SLC25A48: variants seen among roughly 807,000 people sequenced by gnomAD.
SLC25A48 encodes the protein CTC-321K16.1.
In SLC25A48, 29 loss-of-function variants were observed where a neutral mutation model predicts 32.2. The observed-to-expected ratio is 0.90, with a 90% CI of 0.67 to 1.23. SLC25A48 has a LOEUF of 1.23. Among genes scored for constraint, SLC25A48 ranks in the 50% most tolerant of loss-of-function variants. The pLI, the probability that SLC25A48 is intolerant of heterozygous loss-of-function variation, is 0.00. For missense variants in SLC25A48, 399 were observed against 422.7 expected, an observed-to-expected ratio of 0.94 and a Z score of 0.49; for synonymous variants, 164 against 172.3, an observed-to-expected ratio of 0.95 and a Z score of 0.38.
intron 3 of SLC25A48, among the ~76,000 whole-genome samples, chr5:135,791,737 T>C (rs1033985811): frequency 2.6e-5 from 4 of 151,396 alleles, no homozygotes; most frequent in African/African-American, 9.7e-5. Context: ...CATCCTAGGG[T>C]GATGTTACTT....
chr5:135,882,603 G>A (rs542481331), intron 7 of SLC25A48, among the ~76,000 whole-genome samples: 35 of 152,248 alleles, frequency 2.3e-4, no homozygotes, highest in African/African-American at 8.2e-4. Flanking sequence ...CAACAACCAG[G>A]CATGGAGATA....
intron 3 of SLC25A48, among the ~76,000 whole-genome samples, chr5:135,712,429 C>G (rs545377196): frequency 7.2e-5 from 11 of 152,230 alleles, no homozygotes; most frequent in African/African-American, 2.2e-4. Flanking sequence ...TTCCTTGGGC[C>G]CTTTCTGCAG....
chr5:135,652,218 C>T, intron 3 of SLC25A48: 1 of 382,308 alleles, frequency 2.6e-6, no homozygotes, highest in African/African-American at 2.1e-5. Flanking sequence ...ACACTGAGCC[C>T]CTGATATGAC....
intron 3 of SLC25A48, among the ~76,000 whole-genome samples, chr5:135,730,381 C>T (rs573520186): frequency 5.9e-5 from 9 of 152,248 alleles, no homozygotes; most frequent in Admixed American, 1.3e-4. Context: ...GAGGCATTCC[C>T]CTGCACAAGC....
chr5:135,703,664 G>A (rs528238502), intron 3 of SLC25A48, among the ~76,000 whole-genome samples: 1 of 152,158 alleles, frequency 6.6e-6, no homozygotes, highest in South Asian at 2.1e-4. Flanking sequence ...TTCTCCCCAG[G>A]AAACCTGTGA....
intron 3 of SLC25A48, chr5:135,650,581 CT>C: frequency 4.8e-6 from 1 of 208,178 alleles, no homozygotes; most frequent in South Asian, 5.8e-5. Context: ...AACAACAGAA[CT>C]CTTTCTTTCA....
chr5:135,621,429 C>T (rs1752322614), intron 1 of SLC25A48, among the ~76,000 whole-genome samples: 1 of 152,006 alleles, frequency 6.6e-6, no homozygotes. Flanking sequence ...TAGTAATTAA[C>T]AAATTGGTAA....
chr5:135,682,828 A>T (rs1471768990), intron 3 of SLC25A48, among the ~76,000 whole-genome samples: 1 of 152,246 alleles, frequency 6.6e-6, no homozygotes, highest in Non-Finnish European at 1.5e-5. Context: ...ATGATACCTT[A>T]TACTGGCACA....
rs114632268 is a variant in SLC25A48, at chr5:135,751,051, T to A, written c.-520-61472T>A. Among the ~76,000 whole-genome samples the A allele has an allele frequency of 2.3e-3, 346 of 152,268 alleles. 2 individuals carry two copies. The highest frequency in any genetic ancestry group is 4.1e-3 in the Non-Finnish European group (277 of 68,022). ...ACATGAGAAGAATCCAGCCAATAGCTGCAGATCCAGCCATCCAGATCCACA... is the reference window on the plus strand; with the variant it reads ...ACATGAGAAGAATCCAGCCAATAGCAGCAGATCCAGCCATCCAGATCCACA... On this transcript the variant is annotated intron_variant, in intron 3 of 10. Transcript: ENST00000646290.
chr5:135,810,194 C>T (rs1202743069), intron 3 of SLC25A48, among the ~76,000 whole-genome samples: 1 of 152,194 alleles, frequency 6.6e-6, no homozygotes, highest in Non-Finnish European at 1.5e-5. Flanking sequence ...GAACAACTCA[C>T]TTTGACCAAA....
chr5:135,745,622 C>G (rs1755620375), intron 3 of SLC25A48, among the ~76,000 whole-genome samples: 1 of 152,166 alleles, frequency 6.6e-6, no homozygotes, highest in Non-Finnish European at 1.5e-5. Context: ...TGAGCAGGCT[C>G]CTAAGGTCCT....
At chr5:135,581,881 G>T (rs528779064) in intron 1 of SLC25A48, among the ~76,000 whole-genome samples, 2 of 151,148 alleles carry the variant, frequency 1.3e-5, no homozygotes, top group Admixed American at 6.6e-5. Context: ...GTGAGGGAGG[G>T]GGCTTGGCCC....
At chr5:135,628,230 C>T (rs1752481691) in intron 1 of SLC25A48, among the ~76,000 whole-genome samples, 1 of 152,266 alleles carries the variant, frequency 6.6e-6, no homozygotes, top group Non-Finnish European at 1.5e-5. Flanking sequence ...TGAATAACTG[C>T]AAATTTCCCA....
intron 7 of SLC25A48, among the ~76,000 whole-genome samples, chr5:135,885,694 A>G (rs1762689223): frequency 6.6e-6 from 1 of 152,224 alleles, no homozygotes; most frequent in African/African-American, 2.4e-5. Flanking sequence ...AACAGGGTTT[A>G]GAATAAAGGA....
intron 3 of SLC25A48, among the ~76,000 whole-genome samples, chr5:135,655,589 C>T (rs1273599735): frequency 6.6e-6 from 1 of 152,232 alleles, no homozygotes; most frequent in East Asian, 1.9e-4. Flanking sequence ...GTACGCTCTA[C>T]ATCAGCCCTG....
In SLC25A48 at chr5:135,871,768, G is replaced by A. The variant is rs574352364; in HGVS notation, c.679+50G>A. ...GCACCCCTGTGCAGGCCACAGCAGT[G>A]GGACAGCTGGGGAACTGCCATGCCC... On this transcript the variant is annotated intron_variant, in intron 5 of 7. Transcript: ENST00000681962. The A allele has an allele frequency of 2.3e-5, 37 of 1,599,324 alleles. No homozygotes were observed. In the Admixed American group the frequency reaches 3.7e-4, roughly 16 times the overall value.
chr5:135,592,491 A>C (rs1160740774), intron 1 of SLC25A48, among the ~76,000 whole-genome samples: 1 of 152,200 alleles, frequency 6.6e-6, no homozygotes, highest in East Asian at 1.9e-4. Flanking sequence ...TGTCACTGGC[A>C]AATGCACACC....
chr5:135,639,060 C>T (rs972107661), intron 3 of SLC25A48, among the ~76,000 whole-genome samples: 4 of 152,196 alleles, frequency 2.6e-5, no homozygotes, highest in East Asian at 3.8e-4. Flanking sequence ...CTCATAGCCA[C>T]GCTGTCTGAT....
intron 3 of SLC25A48, among the ~76,000 whole-genome samples, chr5:135,667,389 A>G (rs1303786347): frequency 3.3e-5 from 5 of 152,214 alleles, no homozygotes; most frequent in Admixed American, 3.3e-4. Context: ...CCAAAGTACA[A>G]TGACCACAAC....
Sources: allele counts gnomAD v4.1 joint callset (sites outside exome capture counted in the v4.1 genomes callset), GRCh38; gene constraint gnomAD v4.1.1; transcripts MANE v1.5; gene names NCBI Gene and HGNC (gene_info 2026-07-23, HGNC 2026-07-21).